The following TAOK3 variants were observed in gnomAD, a reference collection of about 807,000 sequenced individuals.
The protein encoded by TAOK3 is TAO kinase 3.
TAOK3 carries 40 observed loss-of-function variants against 120.4 expected under a neutral mutation model. That is an observed-to-expected ratio of 0.33 (90% CI 0.26 to 0.43). TAOK3 has a LOEUF of 0.43. TAOK3 is among the 20% of genes least tolerant of loss of function. The pLI, the probability that TAOK3 is intolerant of heterozygous loss-of-function variation, is 1.00. For missense variants in TAOK3, 821 were observed against 1,112.1 expected (o/e 0.74, Z 3.72); for synonymous variants, 355 against 387.5 (o/e 0.92, Z 0.99).
intron 1 of TAOK3, among the ~76,000 whole-genome samples, chr12:118,363,727 A>AGTGTGTGTGT (rs552898130): frequency 4.9e-4 from 72 of 147,498 alleles, no homozygotes; most frequent in African/African-American, 1.5e-3. Flanking sequence ...TGGTCAAGGC[A>AGTGTGTGTGT]GTGTGTGTGT....
intron 3 of TAOK3, among the ~76,000 whole-genome samples, chr12:118,245,317 T>C (rs1347389455): frequency 1.3e-5 from 2 of 151,474 alleles, no homozygotes; most frequent in Non-Finnish European, 2.9e-5. Context: ...ATTACAGGTG[T>C]TTTATTTTAT....
At chr12:118,309,739 C>T (rs925433696) in intron 1 of TAOK3, among the ~76,000 whole-genome samples, 1 of 152,002 alleles carries the variant, frequency 6.6e-6, no homozygotes, top group Non-Finnish European at 1.5e-5. Flanking sequence ...TGGTCTCAAA[C>T]TCCTGACCTC....
chr12:118,328,022 C>T (rs892316189), intron 1 of TAOK3, among the ~76,000 whole-genome samples: 8 of 151,722 alleles, frequency 5.3e-5, no homozygotes, highest in African/African-American at 1.5e-4. Context: ...AGATCTCCAC[C>T]GTGTTTCCCC....
intron 1 of TAOK3, among the ~76,000 whole-genome samples, chr12:118,271,867 A>G (rs987316126): frequency 6.6e-6 from 1 of 152,246 alleles, no homozygotes; most frequent in Admixed American, 6.5e-5. Context: ...ATGAAATAAC[A>G]GGCATAAAAT....
At position 118,201,476 on chromosome 12, in the gene TAOK3, G is replaced by A; in HGVS notation, c.820-13C>T. Reference sequence around the variant, plus strand: ...GAACAAAGTCATGCTGATTGAGGGAGGAGGAAAAAATAAACTGATAATGAA... The same window carrying A: ...GAACAAAGTCATGCTGATTGAGGGAAGAGGAAAAAATAAACTGATAATGAA... On this transcript the variant is annotated splice_polypyrimidine_tract_variant and intron_variant, in intron 11 of 20. Coordinates refer to ENST00000392533, the MANE Select transcript of TAOK3 (RefSeq NM_016281.4). 3 of 1,590,522 alleles carry A rather than the reference G, an allele frequency of 1.9e-6. No individual in the cohort carries two copies. The highest frequency in any genetic ancestry group is 1.8e-5 in the Admixed American group (1 of 56,660).
chr12:118,279,439 A>T (rs888303033), intron 1 of TAOK3, among the ~76,000 whole-genome samples: 1 of 145,408 alleles, frequency 6.9e-6, no homozygotes, highest in Non-Finnish European at 1.5e-5. Flanking sequence ...GTCAATTTTT[A>T]TTTTTTTTTT....
At chr12:118,352,228 C>G (rs17619932) in intron 1 of TAOK3, among the ~76,000 whole-genome samples, 2 of 151,774 alleles carry the variant, frequency 1.3e-5, no homozygotes, top group Non-Finnish European at 2.9e-5. Context: ...ATCTCTCCAA[C>G]GGCAGCTGGC....
chr12:118,363,765 A>T (rs1298083984), intron 1 of TAOK3, among the ~76,000 whole-genome samples: 2 of 151,530 alleles, frequency 1.3e-5, no homozygotes, highest in African/African-American at 4.9e-5. Flanking sequence ...TGAGAGAGAG[A>T]GAGAGAGAGA....
chr12:118,235,961 AC>A (rs1445939608), intron 7 of TAOK3: 5 of 266,594 alleles, frequency 1.9e-5, no homozygotes, highest in Non-Finnish European at 3.6e-5. Context: ...GAACAAGAAA[AC>A]CTATTCAGCT....
intron 1 of TAOK3, among the ~76,000 whole-genome samples, chr12:118,329,807 A>G (rs867628303): frequency 6.6e-6 from 1 of 152,216 alleles, no homozygotes; most frequent in African/African-American, 2.4e-5. Context: ...CTGATATAAT[A>G]GTGGTAAAAA....
intron 1 of TAOK3, among the ~76,000 whole-genome samples, chr12:118,368,203 T>C (rs1018812040): frequency 6.6e-6 from 1 of 152,158 alleles, no homozygotes; most frequent in South Asian, 2.1e-4. Flanking sequence ...TTGGTTATTA[T>C]TATTATTTTT....
intron 1 of TAOK3, among the ~76,000 whole-genome samples, 188 bp from the exon 2 acceptor site, chr12:118,266,947 G>C (rs1367025392): frequency 6.6e-6 from 1 of 152,120 alleles, no homozygotes; most frequent in East Asian, 1.9e-4. Flanking sequence ...CTCTTTCACA[G>C]GCAATATCTG....
At chr12:118,307,022 G>A (rs1303765234) in intron 1 of TAOK3, among the ~76,000 whole-genome samples, 1 of 152,018 alleles carries the variant, frequency 6.6e-6, no homozygotes, top group African/African-American at 2.4e-5. Flanking sequence ...TACAATGTTG[G>A]ACAACACAGT....
At chr12:118,363,968 A>G (rs1304629139) in intron 1 of TAOK3, among the ~76,000 whole-genome samples, 1 of 152,088 alleles carries the variant, frequency 6.6e-6, no homozygotes, top group Non-Finnish European at 1.5e-5. Flanking sequence ...CTAAAAATAC[A>G]AAATTAGCTG....
rs1254353833 is a variant in TAOK3 at position 118,199,188 on chromosome 12, T to C, written c.1057A>G (p.Met353Val). 1.2e-6 allele frequency: 2 copies of C among 1,614,190 alleles called. No homozygotes were observed. Among genetic ancestry groups the C allele is most frequent in the Non-Finnish European group, 1.7e-6 (2 of 1,180,024 alleles). ...SLGSNHSIPSMSVSTGSQSSS... is the reference protein window; with the variant it reads ...SLGSNHSIPSVSVSTGSQSSS... ...CTCTGGCTGCCTGTGCTCACGGACATGCTTGGAATGGAATGGTTGCTGCCC... is the reference window on the plus strand; with the variant it reads ...CTCTGGCTGCCTGTGCTCACGGACACGCTTGGAATGGAATGGTTGCTGCCC... Residue 353 changes from methionine (M) to valine (V), a missense_variant, in exon 13 of 21, where the codon ATG (methionine) becomes GTG (valine). Around this residue, in one of 2 missense-constraint regions of TAOK3, gnomAD observed 467 missense variants for 540.0 expected, o/e 0.86. Coordinates refer to ENST00000392533, the MANE Select transcript of TAOK3 (RefSeq NM_016281.4).
At chr12:118,198,781 G>A in intron 13 of TAOK3, 1 of 456,560 alleles carries the variant, frequency 2.2e-6, no homozygotes, top group Non-Finnish European at 4.0e-6. Context: ...AAGATTATTG[G>A]TTTAGAGAAG....
intron 1 of TAOK3, among the ~76,000 whole-genome samples, chr12:118,312,433 C>T (rs947001116): frequency 6.6e-6 from 1 of 152,104 alleles, no homozygotes; most frequent in African/African-American, 2.4e-5. Context: ...CCATAATGTT[C>T]CTATAACCTG....
At chr12:118,170,370 C>T (rs1472063680) in intron 17 of TAOK3, among the ~76,000 whole-genome samples, 2 of 152,198 alleles carry the variant, frequency 1.3e-5, no homozygotes, top group African/African-American at 4.8e-5. Context: ...CGTTATCACC[C>T]CCATTGAGAA....
chr12:118,173,649 A>G (rs2036142794), intron 16 of TAOK3, among the ~76,000 whole-genome samples: 1 of 152,252 alleles, frequency 6.6e-6, no homozygotes, highest in South Asian at 2.1e-4. Flanking sequence ...GAGTAAACAA[A>G]CCATCTATAT....
Sources: allele counts gnomAD v4.1 joint callset (sites outside exome capture counted in the v4.1 genomes callset), GRCh38; gene constraint gnomAD v4.1.1; regional missense constraint gnomAD v4.1.1; transcripts MANE v1.5; gene names NCBI Gene and HGNC (gene_info 2026-07-23, HGNC 2026-07-21).